The following UBR2 variants were observed in gnomAD, a reference collection of about 807,000 sequenced individuals.
UBR2 encodes E3 ubiquitin-protein ligase UBR2.
A neutral mutation model predicts 247.9 loss-of-function variants in UBR2; 92 were observed. That is an observed-to-expected ratio of 0.37 (90% CI 0.31 to 0.44). UBR2 has a LOEUF of 0.44. Among genes scored for constraint, UBR2 ranks in the 20% least tolerant of loss-of-function variants. The pLI is 1.00. For synonymous variants in UBR2, 672 were observed against 693.5 expected (o/e 0.97, Z 0.49); for missense variants, 1,613 against 2,112.6 (o/e 0.76, Z 4.64).
chr6:42,604,580 T>G (rs1432698278), intron 5 of UBR2, among the ~76,000 whole-genome samples: 2 of 152,192 alleles, frequency 1.3e-5, no homozygotes, highest in African/African-American at 4.8e-5. Flanking sequence ...CAAATTAATT[T>G]CATTTTGGGA....
chr6:42,626,760 T>C (rs1317605663), intron 11 of UBR2, among the ~76,000 whole-genome samples: 1 of 152,336 alleles, frequency 6.6e-6, no homozygotes, highest in East Asian at 1.9e-4. Flanking sequence ...CTAATCTTGC[T>C]TCCTTATATA....
chr6:42,604,341 G>T (rs1793564476), intron 5 of UBR2, among the ~76,000 whole-genome samples: 2 of 152,102 alleles, frequency 1.3e-5, no homozygotes, highest in Admixed American at 1.3e-4. Context: ...AAGCTTGTTG[G>T]AATTAGTCAT....
chr6:42,677,665 T>C (rs1798792494), intron 40 of UBR2, among the ~76,000 whole-genome samples: 1 of 151,992 alleles, frequency 6.6e-6, no homozygotes, highest in Admixed American at 6.6e-5. Flanking sequence ...TGTGGTTCTA[T>C]CTTCTCAGGA....
chr6:42,606,518 T>C, intron 6 of UBR2, 71 bp from the exon 7 acceptor site: 1 of 1,305,870 alleles, frequency 7.7e-7, no homozygotes. Context: ...TAAACATGTT[T>C]GTTTACTGGT....
intron 8 of UBR2, among the ~76,000 whole-genome samples, chr6:42,614,407 T>TGTATGTACGTACGTACATACATACGTAG (rs1794383295): frequency 1.9e-5 from 1 of 51,586 alleles, no homozygotes; most frequent in African/African-American, 6.0e-5. Context: ...TACATACGTA[T>TGTATGTACGTACGTACATACATACGTAG]GTATGTACGT....
chr6:42,631,584 G>A (rs979270075), intron 11 of UBR2, among the ~76,000 whole-genome samples: 1 of 151,664 alleles, frequency 6.6e-6, no homozygotes, highest in African/African-American at 2.4e-5. Flanking sequence ...TTTTTTAATA[G>A]CATAAAACTG....
chr6:42,671,410 TAAAA>T (rs56409458), intron 36 of UBR2, among the ~76,000 whole-genome samples: 2 of 145,680 alleles, frequency 1.4e-5, no homozygotes, highest in African/African-American at 2.5e-5. Context: ...ATCCTATCTT[TAAAA>T]AAAAAAAAAA....
At chr6:42,611,852 A>G (rs1794109060) in intron 7 of UBR2, among the ~76,000 whole-genome samples, 2 of 150,846 alleles carry the variant, frequency 1.3e-5, no homozygotes, top group African/African-American at 4.9e-5. Flanking sequence ...GGTTGCGGTG[A>G]GCCGAGATTG....
At chr6:42,576,817 G>C (rs541772717) in intron 2 of UBR2, among the ~76,000 whole-genome samples, 1 of 152,006 alleles carries the variant, frequency 6.6e-6, no homozygotes, top group Non-Finnish European at 1.5e-5. Context: ...CACCGTGCCC[G>C]GCCTCCCTCC....
chr6:42,581,109 G>A (rs1315868741), intron 2 of UBR2, among the ~76,000 whole-genome samples: 2 of 146,914 alleles, frequency 1.4e-5, no homozygotes, highest in East Asian at 4.0e-4. Context: ...AACTTCCCAG[G>A]TTCAACCTTT....
At chr6:42,637,415 CACA>C (rs1320749346) in intron 15 of UBR2, among the ~76,000 whole-genome samples, 1 of 152,110 alleles carries the variant, frequency 6.6e-6, no homozygotes, top group African/African-American at 2.4e-5. Flanking sequence ...TAGTAAGTCA[CACA>C]ACAAGAAAGA....
chr6:42,633,656 G>C (rs1795900294), intron 13 of UBR2, among the ~76,000 whole-genome samples: 1 of 152,054 alleles, frequency 6.6e-6, no homozygotes, highest in African/African-American at 2.4e-5. Context: ...CTCCCAGAGT[G>C]CTGGGATTAC....
At chr6:42,607,724 T>TTC (rs1451818104) in intron 7 of UBR2, among the ~76,000 whole-genome samples, 1 of 142,318 alleles carries the variant, frequency 7.0e-6, no homozygotes, top group African/African-American at 2.7e-5. Context: ...TTTTTTTTTT[T>TTC]TTTTTTTTTT....
At chr6:42,602,093 T>A (rs1793416982) in intron 4 of UBR2, among the ~76,000 whole-genome samples, 1 of 151,980 alleles carries the variant, frequency 6.6e-6, no homozygotes, top group African/African-American at 2.4e-5. Flanking sequence ...GGTCTTGAAC[T>A]CCTGACCTCA....
chr6:42,574,779 T>G (rs2151903968), intron 2 of UBR2, among the ~76,000 whole-genome samples: 1 of 150,740 alleles, frequency 6.6e-6, no homozygotes, highest in East Asian at 2.0e-4. Flanking sequence ...CACTGCAACC[T>G]CCACCTGCCA....
chr6:42,572,897 A>C (rs370014856), intron 1 of UBR2, among the ~76,000 whole-genome samples: 136 of 152,074 alleles, frequency 8.9e-4, no homozygotes, highest in Middle Eastern at 3.4e-3. Flanking sequence ...TAGAGAAGAG[A>C]CTTCACCATG....
rs570538789 is a variant in UBR2 at position 42,659,518 on chromosome 6, T to G, written c.3243-138T>G. 5.9e-6 allele frequency: 3 copies of G among 508,420 alleles called. No homozygotes were observed. The East Asian group carries it at 1.1e-4, about 18-fold the overall frequency. 31.5% of individuals were successfully genotyped at this position (508,420 alleles called of 1,614,324 possible). A position where few individuals can be genotyped will look rare whatever the true frequency, so the allele number is the denominator to read the frequency against. On this transcript the variant is annotated intron_variant, in intron 29 of 46. Coordinates refer to ENST00000372901, the MANE Select transcript of UBR2 (RefSeq NM_001363705.2). The surrounding 1 kb of genome is among the most constrained non-coding windows in gnomAD (Gnocchi z 4.3). ...CTGTCTCAAAAAATAAATAAATATA[T>G]ATACACACACACACACACACACACA...
chr6:42,672,135 C>T (rs1021795961), intron 36 of UBR2, among the ~76,000 whole-genome samples: 2 of 151,984 alleles, frequency 1.3e-5, no homozygotes, highest in African/African-American at 4.8e-5. Flanking sequence ...TGGGTTCAAG[C>T]GACTCTCCTG....
chr6:42,688,217 T>C lies in UBR2; in HGVS notation c.4855T>C (p.Cys1619Arg), dbSNP rs1462919304. 6.2e-7 allele frequency: 1 copy of C among 1,614,150 alleles called. No individual in the cohort carries two copies. The highest frequency in any genetic ancestry group is 1.3e-5 in the African/African-American group (1 of 75,030). Residue 1619 changes from cysteine to arginine, a missense_variant and splice_region_variant, in exon 45 of 47, where the codon TGC (cysteine) becomes CGC (arginine). Coordinates refer to ENST00000372901, the MANE Select transcript of UBR2 (RefSeq NM_001363705.2). ...TTGTGGGTTTTTTATCCCTTGGAGGTGCCCGAAATCAGGTGGTGATAAGAG... is the reference window on the plus strand; with the variant it reads ...TTGTGGGTTTTTTATCCCTTGGAGGCGCCCGAAATCAGGTGGTGATAAGAG... Reference protein sequence around the residue: ...SLINQASNFSCPKSGGDKSRA... With the variant: ...SLINQASNFSRPKSGGDKSRA...
Sources: allele counts gnomAD v4.1 joint callset (sites outside exome capture counted in the v4.1 genomes callset), GRCh38; gene constraint gnomAD v4.1.1; non-coding constraint Gnocchi (gnomAD v3.1); transcripts MANE v1.5; gene names NCBI Gene and HGNC (gene_info 2026-07-23, HGNC 2026-07-21).